The following ZEB1 variants were observed in gnomAD, a reference collection of about 807,000 sequenced individuals.
The protein encoded by ZEB1 is zinc finger E-box binding homeobox 1.
In ZEB1, 21 loss-of-function variants were observed where a neutral mutation model predicts 84.9. The observed-to-expected ratio is 0.25, with a 90% CI of 0.18 to 0.36. The LOEUF is 0.36. Among genes scored for constraint, ZEB1 ranks in the 10% least tolerant of loss-of-function variants. The probability of loss-of-function intolerance (pLI) is 1.00; values close to 1 mark genes in which losing one functional copy is unlikely to be tolerated. For missense variants in ZEB1, 1,104 were observed against 1,330.2 expected (o/e 0.83, Z 2.65); for synonymous variants, 420 against 471.1 (o/e 0.89, Z 1.41).
chr10:31,340,379 A>T (rs1476032187), intron 1 of ZEB1, among the ~76,000 whole-genome samples: 2 of 152,216 alleles, frequency 1.3e-5, no homozygotes, highest in African/African-American at 4.8e-5. Context: ...CTCTAGCAAT[A>T]TAGAAATCTG....
intron 1 of ZEB1, among the ~76,000 whole-genome samples, chr10:31,455,390 A>G (rs1333216624): frequency 6.6e-6 from 1 of 152,222 alleles, no homozygotes; most frequent in East Asian, 1.9e-4. Flanking sequence ...AGCAATGGCA[A>G]CAGAAGCCAA....
chr10:31,450,584 C>T lies in ZEB1; in HGVS notation c.59-10453C>T, dbSNP rs568020203. Among the ~76,000 whole-genome samples, 133 of 151,872 alleles carry T rather than the reference C, an allele frequency of 8.8e-4. 1 individual carries two copies. The highest frequency in any genetic ancestry group is 3.1e-3 in the African/African-American group (127 of 41,434). ...TATTCTTTTTAAAAATTGGTTTATTCTTGTAAATCATTGTTAACTAATGAT... is the reference window on the plus strand; with the variant it reads ...TATTCTTTTTAAAAATTGGTTTATTTTTGTAAATCATTGTTAACTAATGAT... On this transcript the variant is annotated intron_variant, in intron 1 of 8. Coordinates refer to ENST00000424869, the MANE Select transcript of ZEB1 (RefSeq NM_001174096.2).
chr10:31,363,063 C>T, intron 1 of ZEB1: 1 of 1,533,916 alleles, frequency 6.5e-7, no homozygotes, highest in Non-Finnish European at 8.7e-7. Flanking sequence ...GCAGCGGTGG[C>T]CCCGACAGTT....
At chr10:31,386,568 A>C (rs928854926) in intron 1 of ZEB1, among the ~76,000 whole-genome samples, 1 of 152,146 alleles carries the variant, frequency 6.6e-6, no homozygotes, top group Non-Finnish European at 1.5e-5. Flanking sequence ...GTGTCAAAAA[A>C]CAAAACCAAA....
intron 1 of ZEB1, among the ~76,000 whole-genome samples, chr10:31,447,299 T>A (rs1277962109): frequency 6.9e-6 from 1 of 145,198 alleles, no homozygotes; most frequent in African/African-American, 2.5e-5. Context: ...ATTTTGAGCC[T>A]ATGTGTGTCT....
intron 3 of ZEB1, among the ~76,000 whole-genome samples, chr10:31,499,134 T>C (rs984585804): frequency 6.6e-5 from 10 of 152,276 alleles, no homozygotes; most frequent in Middle Eastern, 3.4e-3. Flanking sequence ...GCCATCTAAT[T>C]TGCAAAAAGA....
At chr10:31,409,582 A>G (rs1259135664) in intron 1 of ZEB1, among the ~76,000 whole-genome samples, 1 of 152,108 alleles carries the variant, frequency 6.6e-6, no homozygotes. Flanking sequence ...ATAACATTCA[A>G]TTTGTAAATT....
intron 2 of ZEB1, among the ~76,000 whole-genome samples, chr10:31,478,193 A>AGTC: frequency 6.6e-6 from 1 of 152,186 alleles, no homozygotes; most frequent in East Asian, 1.9e-4. Context: ...TATTGGTCAA[A>AGTC]GGACATGGAC....
rs559293624 is a variant in ZEB1, at chr10:31,450,221, T to G, written c.59-10816T>G. Among the ~76,000 whole-genome samples, 3 of 152,378 alleles carry G rather than the reference T, an allele frequency of 2.0e-5. No individual in the cohort carries two copies. In the East Asian group the frequency reaches 5.8e-4, roughly 29 times the overall value. ...AAACCAAGATATAGCTTTTCATTTATTCAAATATTTGATGACTTTTACATA... is the reference window on the plus strand; with the variant it reads ...AAACCAAGATATAGCTTTTCATTTAGTCAAATATTTGATGACTTTTACATA... On this transcript the variant is annotated intron_variant, in intron 1 of 8. Coordinates refer to ENST00000424869, the MANE Select transcript of ZEB1 (RefSeq NM_001174096.2).
intron 6 of ZEB1, among the ~76,000 whole-genome samples, chr10:31,516,109 A>G (rs765708415): frequency 9.9e-5 from 15 of 152,112 alleles, no homozygotes; most frequent in Non-Finnish European, 8.8e-5. Flanking sequence ...TGGTCTAGAA[A>G]TAAGAAGTTG....
chr10:31,469,527 C>T (rs1266437857), intron 2 of ZEB1, among the ~76,000 whole-genome samples: 6 of 152,140 alleles, frequency 3.9e-5, no homozygotes, highest in Non-Finnish European at 4.4e-5. Flanking sequence ...CGGCACACCA[C>T]GAGATTATAT....
At chr10:31,473,071 A>C (rs894233212) in intron 2 of ZEB1, among the ~76,000 whole-genome samples, 1 of 147,974 alleles carries the variant, frequency 6.8e-6, no homozygotes, top group African/African-American at 2.6e-5. Context: ...AAATAATAAG[A>C]GCTATCTATG....
At chr10:31,462,332 T>C (rs1333396079) in intron 2 of ZEB1, among the ~76,000 whole-genome samples, 1 of 152,230 alleles carries the variant, frequency 6.6e-6, no homozygotes, top group African/African-American at 2.4e-5. Flanking sequence ...CAGCAACCTC[T>C]GTAGAAATTG....
chr10:31,486,897 C>G (rs1456802353), intron 2 of ZEB1, among the ~76,000 whole-genome samples: 2 of 151,314 alleles, frequency 1.3e-5, no homozygotes, highest in African/African-American at 4.8e-5. Flanking sequence ...GTTTTCTTCA[C>G]CTTTTTATTA....
intron 1 of ZEB1, among the ~76,000 whole-genome samples, chr10:31,449,146 G>T (rs997687819): frequency 6.6e-6 from 1 of 152,228 alleles, no homozygotes; most frequent in East Asian, 1.9e-4. Flanking sequence ...TCTGAAAAGC[G>T]CAATATTCGG....
intron 5 of ZEB1, among the ~76,000 whole-genome samples, chr10:31,511,119 A>G (rs922300975): frequency 6.6e-6 from 1 of 152,198 alleles, no homozygotes; most frequent in Non-Finnish European, 1.5e-5. Flanking sequence ...GACCCTTTCC[A>G]TCTTGACTTA....
At chr10:31,400,226 A>G (rs1277739678) in intron 1 of ZEB1, among the ~76,000 whole-genome samples, 1 of 152,204 alleles carries the variant, frequency 6.6e-6, no homozygotes, top group Non-Finnish European at 1.5e-5. Context: ...CTCAGCACAT[A>G]GAAATATAGT....
chr10:31,397,013 A>G (rs2050855533), intron 1 of ZEB1, among the ~76,000 whole-genome samples: 1 of 149,232 alleles, frequency 6.7e-6, no homozygotes. Context: ...ATTTTTTATT[A>G]TTATTATTTT....
intron 1 of ZEB1, among the ~76,000 whole-genome samples, chr10:31,445,492 C>G (rs2059639862): frequency 6.7e-6 from 1 of 149,094 alleles, no homozygotes; most frequent in Non-Finnish European, 1.5e-5. Flanking sequence ...CTGTCTTGTG[C>G]CAGTTTTCAA....
Sources: allele counts gnomAD v4.1 joint callset (sites outside exome capture counted in the v4.1 genomes callset), GRCh38; gene constraint gnomAD v4.1.1; transcripts MANE v1.5; gene names NCBI Gene and HGNC (gene_info 2026-07-23, HGNC 2026-07-21).